Variants in MGAM observed in about 807,000 individuals in gnomAD.
MGAM encodes the protein alpha-1,4-glucosidase.
In MGAM, 253 loss-of-function variants were observed where a neutral mutation model predicts 358.8. The ratio of observed to expected loss-of-function variants is 0.71; its 90% confidence interval spans 0.64 to 0.78. The LOEUF is 0.78. Among genes scored for constraint, MGAM ranks in the 30% least tolerant of loss-of-function variants. The pLI, the probability that MGAM is intolerant of heterozygous loss-of-function variation, is 0.00. For missense variants in MGAM, 3,080 were observed against 3,432.6 expected (o/e 0.90, Z 2.57); for synonymous variants, 1,105 against 1,227.1 (o/e 0.90, Z 2.08).
rs923190202 is a variant in MGAM, at chr7:142,087,277, G to A, written c.6810+560G>A. ...TTACCTCTCAGTTTCCAGCCTTACTGTAAAACTTGCTCTCTTCTGGGGATG... is the reference window on the plus strand; with the variant it reads ...TTACCTCTCAGTTTCCAGCCTTACTATAAAACTTGCTCTCTTCTGGGGATG... On this transcript the variant is annotated intron_variant, in intron 57 of 70. Coordinates refer to ENST00000475668, the MANE Select transcript of MGAM (RefSeq NM_001365693.1). Among the ~76,000 whole-genome samples, 5 of 145,284 alleles carry A rather than the reference G, an allele frequency of 3.4e-5. 1 individual carries two copies. The highest frequency in any genetic ancestry group is 1.2e-4 in the African/African-American group (5 of 40,902).
At position 142,042,661 on chromosome 7, in the gene MGAM, ACATATT is replaced by A. The variant is rs1316133558; in HGVS notation, c.2498+1816_2498+1821del. 1.1e-4 allele frequency among the ~76,000 whole-genome samples: 3 copies of A among 27,708 alleles called. 1 individual carries two copies. The highest frequency in any genetic ancestry group is 6.2e-4 in the African/African-American group (3 of 4,820). 18.2% of individuals were successfully genotyped at this position (27,708 alleles called of 152,430 possible). ...ATAATATATAATATATATTATATAT[ACATATT>A]ATATATAATATATAATATATATTAT... On this transcript the variant is annotated intron_variant, in intron 21 of 70. Coordinates refer to ENST00000475668, the MANE Select transcript of MGAM (RefSeq NM_001365693.1).
rs546113113 is a variant in MGAM, at chr7:142,066,673, A to G, written c.4871A>G (p.Gln1624Arg). 9.7e-5 allele frequency: 151 copies of G among 1,555,958 alleles called. 6 individuals are homozygous for G. The African/African-American group carries it at 1.9e-3, about 19-fold the overall frequency. ...TTGCCATATCTGTATACCTTGATGC[A>G]AAAGGCCCACACGGAGGGCGTCACT... ...TLLPYLYTLM[Q>R]KAHTEGVTVV... The change falls in exon 41 of 71, where the codon CAA (glutamine) becomes CGA (arginine). Residue 1624 changes from glutamine (Q) to arginine (R), a missense_variant. Transcript: ENST00000475668.
In MGAM at chr7:142,105,762, G is replaced by A. The variant is rs1816811719; in HGVS notation, c.8185-52G>A. On this transcript the variant is annotated intron_variant, in intron 70 of 70. Transcript: ENST00000475668. ...ATACTTGCACCTGATTTATTTGCAT[G>A]CAGGAAATTTCAACACCGGATGCCC... 5.9e-6 allele frequency: 8 copies of A among 1,363,854 alleles called. No individual in the cohort carries two copies. The Admixed American group carries it at 1.3e-4, about 23-fold the overall frequency. The allele number at this position is 1,363,854 out of a possible 1,614,324, so 84.5% of individuals were successfully genotyped here. A position where few individuals can be genotyped will look rare whatever the true frequency, so the allele number is the denominator to read the frequency against.
intron 21 of MGAM, among the ~76,000 whole-genome samples, chr7:142,041,987 AAT>A (rs558270312): frequency 0.21 from 4,174 of 19,654 alleles, 803 homozygotes; most frequent in African/African-American, 0.4. Context: ...TATATAATAT[AAT>A]ATATATATAT....
chr7:142,096,352 A>G lies in MGAM; in HGVS notation c.7629A>G (p.Thr2543=), dbSNP rs1285037704. ...LLHEFVSDQV[T]WDIDSQFLLG... is the part of the protein sequence containing the mutation. ...CCAGGTTTGTGTCAGACCAGGTGAC[A>G]TGGGACATAGACAGTCAGTTCCTGC... The change falls in exon 65 of 71, where the codon ACA becomes ACG. Residue 2543 remains threonine (T), a synonymous_variant. Coordinates refer to ENST00000475668, the MANE Select transcript of MGAM (RefSeq NM_001365693.1). 1.2e-6 allele frequency: 2 copies of G among 1,613,618 alleles called. No individual in the cohort carries two copies. The highest frequency in any genetic ancestry group is 1.6e-4 in the Middle Eastern group (1 of 6,078).
At chr7:142,058,437 T>C in intron 31 of MGAM, 109 bp downstream of exon 31, 1 of 1,541,044 alleles carries the variant, frequency 6.5e-7, no homozygotes, top group Non-Finnish European at 8.7e-7. Context: ...AAAGTTCTTT[T>C]TCAGACAATA....
At chr7:142,104,099 G>A (rs926243622) in intron 70 of MGAM, among the ~76,000 whole-genome samples, 1 of 152,094 alleles carries the variant, frequency 6.6e-6, no homozygotes, top group Non-Finnish European at 1.5e-5. Context: ...TGATCCGCCT[G>A]CCTTGGCCTC....
At chr7:142,042,735 TATA>T (rs1185269666) in intron 21 of MGAM, among the ~76,000 whole-genome samples, 1 of 75,080 alleles carries the variant, frequency 1.3e-5, no homozygotes, top group Non-Finnish European at 2.3e-5. Flanking sequence ...TATATATACA[TATA>T]ATATCTGAAT....
At chr7:142,036,742 A>G (rs1188373958) in intron 17 of MGAM, 81 bp from the exon 18 acceptor site, 49 of 1,434,780 alleles carry the variant, frequency 3.4e-5, no homozygotes, top group Non-Finnish European at 4.5e-5. Context: ...TCTTGGTTGT[A>G]ATGAATGAGG....
At chr7:142,100,393 T>C (rs1356530744) in intron 67 of MGAM, among the ~76,000 whole-genome samples, 1 of 152,156 alleles carries the variant, frequency 6.6e-6, no homozygotes, top group African/African-American at 2.4e-5. Flanking sequence ...ATTCTTAGAC[T>C]CCCTATTCAT....
At chr7:142,095,759 C>A in intron 64 of MGAM, 46 bp downstream of exon 64, 2 of 1,604,632 alleles carry the variant, frequency 1.2e-6, no homozygotes, top group Non-Finnish European at 8.5e-7. Flanking sequence ...TGACTTATTG[C>A]ATTCTATATG....
Position 142,095,563 on chromosome 7 carries a change from A to G in MGAM, c.7459-2A>G. On this transcript the variant is annotated splice_acceptor_variant, in intron 63 of 70. Transcript: ENST00000475668. LOFTEE classifies it high-confidence loss of function. ...CCCAACACTGTTCTCTTTCTCCTTT[A>G]GAGACAAGACCCTGTGTCCTGGGAT... 1.2e-6 allele frequency: 2 copies of G among 1,613,084 alleles called. No individual in the cohort carries two copies. The highest frequency in any genetic ancestry group is 1.7e-6 in the Non-Finnish European group (2 of 1,179,698).
At chr7:142,060,497 G>A (rs1300548254) in intron 34 of MGAM, 124 bp downstream of exon 34, 3 of 1,100,656 alleles carry the variant, frequency 2.7e-6, no homozygotes, top group East Asian at 2.5e-5. Context: ...CTTAGGTGAT[G>A]TGTCTTGGGT....
intron 12 of MGAM, among the ~76,000 whole-genome samples, chr7:142,031,153 C>T (rs1479390995): frequency 6.6e-6 from 1 of 152,148 alleles, no homozygotes; most frequent in African/African-American, 2.4e-5. Flanking sequence ...CTCAATTTTC[C>T]TGCATTATTT....
At chr7:142,070,076 C>T (rs1813209020) in intron 43 of MGAM, among the ~76,000 whole-genome samples, 1 of 144,152 alleles carries the variant, frequency 6.9e-6, no homozygotes, top group African/African-American at 2.5e-5. Context: ...ACCTGTAGTC[C>T]CAGCTACTCG....
At chr7:141,989,270 C>T (rs1001273240) in intron 2 of MGAM, among the ~76,000 whole-genome samples, 3 of 152,048 alleles carry the variant, frequency 2.0e-5, no homozygotes, top group Non-Finnish European at 4.4e-5. Flanking sequence ...AGGAATAGTT[C>T]TTAACAGAAT....
At chr7:142,102,540 G>A in intron 68 of MGAM, 90 bp from the exon 69 acceptor site, 2 of 1,210,110 alleles carry the variant, frequency 1.7e-6, no homozygotes, top group South Asian at 1.4e-5. Context: ...AACAAGACAA[G>A]TAGGCAATTA....
At chr7:142,065,953 G>GTTT (rs1563188364) in intron 40 of MGAM, 122 bp downstream of exon 40, 2 of 774,488 alleles carry the variant, frequency 2.6e-6, no homozygotes, top group African/African-American at 4.2e-5. Context: ...GTTTTTTTTT[G>GTTT]TTTTGTTTTG....
At chr7:142,040,274 G>A (rs1584964993) in intron 20 of MGAM, 103 bp downstream of exon 20, 1 of 929,560 alleles carries the variant, frequency 1.1e-6, no homozygotes, top group Non-Finnish European at 1.7e-6. Flanking sequence ...ATGCTGAGGA[G>A]TAGTTTTTAG....
Sources: gnomAD v4.1 joint callset for allele counts (sites outside exome capture counted in the v4.1 genomes callset) on GRCh38, gnomAD v4.1.1 for gene constraint, MANE v1.5 for transcripts, NCBI Gene and HGNC (gene_info 2026-07-23, HGNC 2026-07-21) for gene names.